Variants in ZCWPW2 observed in about 807,000 individuals in gnomAD.
ZCWPW2 encodes the protein zinc finger CW-type PWWP domain protein 2.
A neutral mutation model predicts 46.6 loss-of-function variants in ZCWPW2; 45 were observed. The observed-to-expected ratio is 0.96, with a 90% CI of 0.76 to 1.24. The LOEUF (loss-of-function observed/expected upper bound fraction) is 1.24, where lower values mean the gene tolerates loss of function less well. Among genes scored for constraint, ZCWPW2 ranks in the 50% most tolerant of loss-of-function variants. ZCWPW2 has a pLI of 0.00. For synonymous variants in ZCWPW2, 152 were observed against 137.1 expected (o/e 1.11, Z -0.76); for missense variants, 429 against 403.9 (o/e 1.06, Z -0.53).
At chr3:28,369,496 T>A (rs1705237026) in intron 1 of ZCWPW2, among the ~76,000 whole-genome samples, 2 of 152,190 alleles carry the variant, frequency 1.3e-5, no homozygotes, top group Admixed American at 1.3e-4. Flanking sequence ...CAAATGTTGC[T>A]GCCTGATCAT....
chr3:28,506,068 A>T (rs1452525336), intron 6 of ZCWPW2, among the ~76,000 whole-genome samples: 1 of 147,640 alleles, frequency 6.8e-6, no homozygotes, highest in East Asian at 1.9e-4. Context: ...AATCCTAATT[A>T]TCATTAAATA....
intron 1 of ZCWPW2, among the ~76,000 whole-genome samples, chr3:28,383,353 A>C (rs765081165): frequency 6.7e-6 from 1 of 149,380 alleles, no homozygotes; most frequent in Non-Finnish European, 1.5e-5. Context: ...CACAAAGCAA[A>C]GGTTAATGCT....
At chr3:28,489,677 C>T in intron 5 of ZCWPW2, among the ~76,000 whole-genome samples, 1 of 86,728 alleles carries the variant, frequency 1.2e-5, no homozygotes, top group South Asian at 2.9e-4. Context: ...CGCACACACA[C>T]ACACACACAC....
At chr3:28,452,233 A>G (rs1367812222) in intron 4 of ZCWPW2, among the ~76,000 whole-genome samples, 5 of 152,178 alleles carry the variant, frequency 3.3e-5, no homozygotes, top group Admixed American at 6.5e-5. Flanking sequence ...TGCTTGACCT[A>G]AGACAAGTCA....
chr3:28,464,116 G>GT (rs1158201399), intron 4 of ZCWPW2, among the ~76,000 whole-genome samples: 2 of 151,962 alleles, frequency 1.3e-5, no homozygotes, highest in African/African-American at 4.8e-5. Flanking sequence ...GTACAAGGGT[G>GT]TTTTTTTGTT....
At chr3:28,476,245 T>G (rs2125802164) in intron 4 of ZCWPW2, among the ~76,000 whole-genome samples, 1 of 151,998 alleles carries the variant, frequency 6.6e-6, no homozygotes, top group African/African-American at 2.4e-5. Context: ...ATTGTGAGAA[T>G]TTGCACCTTA....
chr3:28,349,204 G>C lies in ZCWPW2; in HGVS notation c.-134+1G>C. The stretch of plus-strand genomic sequence containing the variant: ...GGAGGCGGAGGCGGAGTGGAGTTAG[G>C]TAAGAGCGTTACCAGCCGTCTTGTC... On this transcript the variant is annotated splice_donor_variant, in intron 1 of 9. Transcript: ENST00000383768. LOFTEE classifies it low-confidence loss of function (5UTR_SPLICE). The C allele has an allele frequency of 1.0e-6, 1 of 985,574 alleles. No individual in the cohort carries two copies. 61.1% of individuals were successfully genotyped at this position (985,574 alleles called of 1,614,324 possible). A position where few individuals can be genotyped will look rare whatever the true frequency, so the allele number is the denominator to read the frequency against.
chr3:28,412,236 T>C (rs1269722958), intron 2 of ZCWPW2, among the ~76,000 whole-genome samples: 1 of 151,748 alleles, frequency 6.6e-6, no homozygotes, highest in African/African-American at 2.4e-5. Flanking sequence ...TATTACTATA[T>C]ACTTTTTTAT....
At chr3:28,488,104 A>T (rs1699668174) in intron 5 of ZCWPW2, among the ~76,000 whole-genome samples, 1 of 152,162 alleles carries the variant, frequency 6.6e-6, no homozygotes, top group African/African-American at 2.4e-5. Flanking sequence ...TAGAGCTCCT[A>T]CACGTAAAAC....
intron 1 of ZCWPW2, among the ~76,000 whole-genome samples, chr3:28,367,685 A>G (rs1381448310): frequency 1.3e-5 from 2 of 152,240 alleles, no homozygotes; most frequent in South Asian, 2.1e-4. Context: ...GCTGAGTTCA[A>G]TTCCTGGATA....
At chr3:28,368,330 G>T (rs1265874024) in intron 1 of ZCWPW2, among the ~76,000 whole-genome samples, 1 of 151,708 alleles carries the variant, frequency 6.6e-6, no homozygotes, top group Admixed American at 6.6e-5. Context: ...AGCTCTTGTA[G>T]AGGCCTGCCC....
At chr3:28,480,199 AT>A (rs1166137820) in intron 5 of ZCWPW2, among the ~76,000 whole-genome samples, 1 of 152,134 alleles carries the variant, frequency 6.6e-6, no homozygotes, top group Non-Finnish European at 1.5e-5. Flanking sequence ...GTGTATAAGC[AT>A]TCCTATTTCT....
At chr3:28,472,803 T>G (rs572163254) in intron 4 of ZCWPW2, among the ~76,000 whole-genome samples, 1 of 152,024 alleles carries the variant, frequency 6.6e-6, no homozygotes, top group South Asian at 2.1e-4. Context: ...AGAATGGCAG[T>G]AAATATTTGC....
At chr3:28,369,477 G>A (rs540938190) in intron 1 of ZCWPW2, among the ~76,000 whole-genome samples, 45 of 152,118 alleles carry the variant, frequency 3.0e-4, no homozygotes, top group Admixed American at 1.2e-3. Flanking sequence ...AGCAGATATT[G>A]GTGAACAGCA....
At chr3:28,504,910 G>A (rs1700236970) in intron 6 of ZCWPW2, among the ~76,000 whole-genome samples, 1 of 152,114 alleles carries the variant, frequency 6.6e-6, no homozygotes, top group South Asian at 2.1e-4. Flanking sequence ...AGTGAAATCT[G>A]TTCTATTACA....
chr3:28,380,948 A>G lies in ZCWPW2; in HGVS notation c.-133-9550A>G, dbSNP rs1326397687. Among the ~76,000 whole-genome samples the G allele has an allele frequency of 6.0e-4, 25 of 41,426 alleles. 1 individual carries two copies. Among genetic ancestry groups the G allele is most frequent in the Admixed American group, 8.7e-4 (3 of 3,436 alleles). The allele number at this position is 41,426 out of a possible 152,430, so 27.2% of individuals were successfully genotyped here. On this transcript the variant is annotated intron_variant, in intron 1 of 9. Transcript: ENST00000383768. ...ATATATATTTGGTATATATATATATATATATATATATATATATATATATTT... is the reference window on the plus strand; with the variant it reads ...ATATATATTTGGTATATATATATATGTATATATATATATATATATATATTT...
rs768046592 is a variant in ZCWPW2 at position 28,349,095 on chromosome 3, G to A, written c.-242G>A. 3.0e-6 allele frequency: 3 copies of A among 985,614 alleles called. No homozygotes were observed. The highest frequency in any genetic ancestry group is 3.6e-6 in the Non-Finnish European group (3 of 830,168). The allele number at this position is 985,614 out of a possible 1,614,324, so 61.1% of individuals were successfully genotyped here. A position where few individuals can be genotyped will look rare whatever the true frequency, so the allele number is the denominator to read the frequency against. ...AGCGAAGCCAGGTTCGGTCGTGGGG[G>A]TGGGGAAGTGCAGGAGTGGCGCGCG... On this transcript the variant is annotated 5_prime_UTR_variant, in exon 1 of 10. In the 5' UTR this introduces an upstream ATG that the reference lacks. Transcript: ENST00000383768.
chr3:28,514,041 A>C (rs1700498869), intron 6 of ZCWPW2, 23 bp from the exon 7 acceptor site: 1 of 1,483,622 alleles, frequency 6.7e-7, no homozygotes, highest in African/African-American at 1.4e-5. Context: ...GAACTAACTC[A>C]TATTTTTGTT....
chr3:28,365,968 G>T (rs1209251654), intron 1 of ZCWPW2, among the ~76,000 whole-genome samples: 3 of 146,128 alleles, frequency 2.1e-5, no homozygotes, highest in African/African-American at 7.4e-5. Flanking sequence ...GTATAAGAAT[G>T]CTTGTGATTT....
Sources: allele counts gnomAD v4.1 joint callset (sites outside exome capture counted in the v4.1 genomes callset), GRCh38; gene constraint gnomAD v4.1.1; transcripts MANE v1.5; gene names NCBI Gene and HGNC (gene_info 2026-07-23, HGNC 2026-07-21).